MTSS1: variants seen among roughly 807,000 people sequenced by gnomAD.
MTSS1 encodes the protein protein MTSS 1.
A neutral mutation model predicts 79.0 loss-of-function variants in MTSS1; 18 were observed. The observed-to-expected ratio is 0.23, with a 90% confidence interval of 0.16 to 0.34. The LOEUF is 0.34. Among genes scored for constraint, MTSS1 ranks in the 10% least tolerant of loss-of-function variants. The pLI is 1.00. For synonymous variants in MTSS1, 341 were observed against 368.6 expected (o/e 0.93, Z 0.86); for missense variants, 815 against 986.2 (o/e 0.83, Z 2.33).
chr8:124,568,862 A>T, intron 6 of MTSS1: 1 of 1,429,158 alleles, frequency 7.0e-7, no homozygotes, highest in African/African-American at 1.4e-5. Context: ...AGAGCCAGAC[A>T]GCATTCTTTC....
At chr8:124,627,360 G>A (rs928237734) in intron 3 of MTSS1, among the ~76,000 whole-genome samples, 1 of 152,164 alleles carries the variant, frequency 6.6e-6, no homozygotes, top group Non-Finnish European at 1.5e-5. Context: ...CATGCATTAG[G>A]TACTCAACAT....
intron 3 of MTSS1, among the ~76,000 whole-genome samples, chr8:124,685,445 G>T (rs1826802638): frequency 6.6e-6 from 1 of 152,250 alleles, no homozygotes; most frequent in East Asian, 1.9e-4. Flanking sequence ...ACAGTACAGT[G>T]CTACGACAGC....
intron 3 of MTSS1, among the ~76,000 whole-genome samples, chr8:124,608,325 T>G (rs1449168234): frequency 6.6e-6 from 1 of 152,094 alleles, no homozygotes; most frequent in Non-Finnish European, 1.5e-5. Context: ...CAGTCATCAG[T>G]TAGGAAGTTG....
intron 6 of MTSS1, among the ~76,000 whole-genome samples, chr8:124,575,195 C>T (rs906624005): frequency 1.3e-5 from 2 of 152,186 alleles, no homozygotes; most frequent in African/African-American, 4.8e-5. Flanking sequence ...TCATCTTCTA[C>T]TCTTAATAAC....
intron 3 of MTSS1, among the ~76,000 whole-genome samples, chr8:124,632,226 C>T (rs1816101429): frequency 7.0e-6 from 1 of 143,872 alleles, no homozygotes; most frequent in Non-Finnish European, 1.5e-5. Context: ...ATTCAGTGAA[C>T]TATGACCATA....
rs542615582 is a variant in MTSS1, at chr8:124,552,373, G to A, written c.*619C>T. 4.8e-4 allele frequency: 74 copies of A among 153,628 alleles called. 2 individuals are homozygous for A. The highest frequency in any genetic ancestry group is 1.0e-3 in the Admixed American group (16 of 15,428). The allele number at this position is 153,628 out of a possible 1,614,324, so 9.5% of individuals were successfully genotyped here. Reference sequence around the variant, plus strand: ...ATGTAACAGGATCGGCTATGTTGACGATGTACCCCTCCCATGGCCCTCCCC... The same window carrying A: ...ATGTAACAGGATCGGCTATGTTGACAATGTACCCCTCCCATGGCCCTCCCC... On this transcript the variant is annotated 3_prime_UTR_variant, in exon 14 of 14. Transcript: ENST00000518547.
intron 10 of MTSS1, among the ~76,000 whole-genome samples, chr8:124,560,197 C>T (rs1018953308): frequency 6.6e-6 from 1 of 151,080 alleles, no homozygotes; most frequent in Non-Finnish European, 1.5e-5. Context: ...AGAAACTGAA[C>T]TTAAAAAATT....
intron 6 of MTSS1, among the ~76,000 whole-genome samples, chr8:124,569,054 G>A (rs1263532549): frequency 1.3e-5 from 2 of 152,200 alleles, no homozygotes; most frequent in Non-Finnish European, 2.9e-5. Flanking sequence ...GGCTCTGGGG[G>A]CCCATGGGAA....
intron 1 of MTSS1, among the ~76,000 whole-genome samples, chr8:124,715,112 A>G (rs1052559060): frequency 3.9e-5 from 6 of 151,902 alleles, no homozygotes; most frequent in African/African-American, 1.5e-4. Context: ...ACACTCACCC[A>G]TTTCTTTTCC....
At chr8:124,565,610 T>G in intron 9 of MTSS1, 52 bp downstream of exon 9, 1 of 1,501,140 alleles carries the variant, frequency 6.7e-7, no homozygotes, top group Non-Finnish European at 9.3e-7. Flanking sequence ...CACATTAGCA[T>G]AAAGAAAAAT....
chr8:124,656,609 TA>T (rs1280329143), intron 3 of MTSS1, among the ~76,000 whole-genome samples: 2 of 151,478 alleles, frequency 1.3e-5, no homozygotes, highest in Non-Finnish European at 2.9e-5. Context: ...CTGTCTCTAC[TA>T]AAAATATTAA....
intron 3 of MTSS1, among the ~76,000 whole-genome samples, chr8:124,682,521 G>C (rs1191741777): frequency 6.6e-6 from 1 of 152,228 alleles, no homozygotes; most frequent in African/African-American, 2.4e-5. Flanking sequence ...TTGGATCTGA[G>C]CCTCACGGAA....
Position 124,586,601 on chromosome 8 carries a change from G to A in MTSS1, c.386-1440C>T, listed in dbSNP as rs188407648. Reference sequence around the variant, plus strand: ...TCTGAGCATCTTGGGCTAGCAGAGTGGGTTGCGTGTGGCTGCTACTCGGGT... The same window carrying A: ...TCTGAGCATCTTGGGCTAGCAGAGTAGGTTGCGTGTGGCTGCTACTCGGGT... On this transcript the variant is annotated intron_variant, in intron 5 of 13. Transcript: ENST00000518547. Among the ~76,000 whole-genome samples the A allele has an allele frequency of 8.9e-4, 135 of 152,308 alleles. 1 individual carries two copies. The highest frequency in any genetic ancestry group is 2.9e-3 in the South Asian group (14 of 4,828).
chr8:124,632,632 T>C (rs1816210828), intron 3 of MTSS1, among the ~76,000 whole-genome samples: 1 of 152,184 alleles, frequency 6.6e-6, no homozygotes, highest in Non-Finnish European at 1.5e-5. Flanking sequence ...TGGGAACTCA[T>C]CTTTAAGAAC....
At chr8:124,602,746 T>C (rs910033688) in intron 3 of MTSS1, among the ~76,000 whole-genome samples, 2 of 152,186 alleles carry the variant, frequency 1.3e-5, no homozygotes, top group African/African-American at 2.4e-5. Flanking sequence ...AAGGTGGATC[T>C]CTTAGGTGAT....
chr8:124,670,440 C>T (rs1021186121), intron 3 of MTSS1, among the ~76,000 whole-genome samples: 5 of 137,412 alleles, frequency 3.6e-5, no homozygotes, highest in African/African-American at 5.9e-5. Context: ...CTGGCGGCAC[C>T]CCACACAGCC....
At chr8:124,629,670 C>T (rs576889901) in intron 3 of MTSS1, among the ~76,000 whole-genome samples, 2 of 152,176 alleles carry the variant, frequency 1.3e-5, no homozygotes, top group South Asian at 4.2e-4. Context: ...AGCCAAGTGC[C>T]TCCAACGTTA....
At chr8:124,606,164 G>GTTTTT (rs199611609) in intron 3 of MTSS1, among the ~76,000 whole-genome samples, 7 of 106,048 alleles carry the variant, frequency 6.6e-5, no homozygotes, top group Admixed American at 9.4e-5. Context: ...TCTGTGTTTG[G>GTTTTT]TTTTTTGTTT....
chr8:124,556,575 G>A (rs1254994164), intron 11 of MTSS1, 170 bp from the exon 12 acceptor site: 14 of 729,660 alleles, frequency 1.9e-5, no homozygotes, highest in Non-Finnish European at 3.1e-5. Flanking sequence ...AAAGGGCAAG[G>A]AATGGAAACC....
Sources: gnomAD v4.1 joint callset for allele counts (sites outside exome capture counted in the v4.1 genomes callset) on GRCh38, gnomAD v4.1.1 for gene constraint, MANE v1.5 for transcripts, NCBI Gene and HGNC (gene_info 2026-07-23, HGNC 2026-07-21) for gene names.